Variants in CCDC149 observed in about 807,000 individuals in gnomAD.
CCDC149 encodes coiled-coil domain-containing protein 149.
Under a neutral mutation model 59.9 loss-of-function variants are expected in CCDC149, and 45 were observed. That is an observed-to-expected ratio of 0.75 (90% confidence interval 0.59 to 0.96). The LOEUF is 0.96. Among genes scored for constraint, CCDC149 ranks in the 40% least tolerant of loss-of-function variants. The pLI is 0.00. For missense variants in CCDC149, 584 were observed against 664.7 expected, an observed-to-expected ratio of 0.88 and a Z score of 1.33; for synonymous variants, 245 against 260.6, an observed-to-expected ratio of 0.94 and a Z score of 0.58.
At chr4:24,874,086 G>T (rs190571044) in intron 2 of CCDC149, among the ~76,000 whole-genome samples, 3 of 151,978 alleles carry the variant, frequency 2.0e-5, no homozygotes, top group African/African-American at 7.2e-5. Flanking sequence ...AACAGTGATG[G>T]GGACACACAT....
chr4:24,834,829 C>T (rs1418845138), intron 8 of CCDC149, 119 bp downstream of exon 8: 1 of 623,112 alleles, frequency 1.6e-6, no homozygotes. Flanking sequence ...CGGGGAGCCA[C>T]TGTTCTATGG....
chr4:24,869,276 G>A (rs1339970248), intron 3 of CCDC149, among the ~76,000 whole-genome samples: 1 of 152,176 alleles, frequency 6.6e-6, no homozygotes, highest in Admixed American at 6.5e-5. Flanking sequence ...AAGGTGTAGG[G>A]GCTCCATCCC....
chr4:24,809,647 A>G (rs1714469246), intron 12 of CCDC149, among the ~76,000 whole-genome samples: 1 of 152,226 alleles, frequency 6.6e-6, no homozygotes, highest in South Asian at 2.1e-4. Context: ...GTTTCCCCAG[A>G]AGCCAATCTC....
intron 1 of CCDC149, among the ~76,000 whole-genome samples, chr4:24,881,720 G>T (rs541690815): frequency 5.9e-4 from 90 of 152,302 alleles, no homozygotes; most frequent in African/African-American, 2.1e-3. Flanking sequence ...TGAGGACGAG[G>T]GTTCATGTGA....
intron 12 of CCDC149, among the ~76,000 whole-genome samples, chr4:24,813,516 A>G (rs1714796336): frequency 6.9e-6 from 1 of 144,040 alleles, no homozygotes; most frequent in East Asian, 2.0e-4. Context: ...ATATATATAT[A>G]TATATATATA....
chr4:24,971,826 A>T (rs184475379), intron 1 of CCDC149, among the ~76,000 whole-genome samples: 2 of 152,200 alleles, frequency 1.3e-5, no homozygotes, highest in African/African-American at 4.8e-5. Flanking sequence ...AAACATTTAC[A>T]ATCTATTATC....
chr4:24,847,495 A>G (rs1304597839), intron 4 of CCDC149, among the ~76,000 whole-genome samples: 1 of 152,162 alleles, frequency 6.6e-6, no homozygotes, highest in African/African-American at 2.4e-5. Context: ...GGGAGCTAGT[A>G]CCCTGTCTTT....
intron 1 of CCDC149, among the ~76,000 whole-genome samples, chr4:24,948,003 G>T (rs1020861902): frequency 6.6e-6 from 1 of 152,102 alleles, no homozygotes; most frequent in Non-Finnish European, 1.5e-5. Flanking sequence ...ATCAATTTGG[G>T]GGCTTGAAGG....
chr4:24,841,632 C>A (rs569077699), intron 4 of CCDC149, among the ~76,000 whole-genome samples: 15 of 152,290 alleles, frequency 9.8e-5, no homozygotes, highest in Non-Finnish European at 1.8e-4. Context: ...GATGGCAGAG[C>A]CCCAGGGAGA....
chr4:24,855,598 G>A (rs76348370), intron 3 of CCDC149, among the ~76,000 whole-genome samples: 4,894 of 140,268 alleles, frequency 0.035, 293 homozygotes, highest in African/African-American at 0.12. Context: ...GAAGAAAAAA[G>A]AAAAAAAAGA....
chr4:24,909,253 G>A (rs1721728919), intron 1 of CCDC149, among the ~76,000 whole-genome samples: 1 of 152,158 alleles, frequency 6.6e-6, no homozygotes, highest in Non-Finnish European at 1.5e-5. Context: ...TCCAGGGTGG[G>A]AGACAGCACC....
intron 11 of CCDC149, among the ~76,000 whole-genome samples, 173 bp downstream of exon 11, chr4:24,820,882 G>A (rs895231366): frequency 1.3e-5 from 2 of 152,176 alleles, no homozygotes. Flanking sequence ...CAAAGCTAAT[G>A]TCATCCTTTA....
intron 4 of CCDC149, among the ~76,000 whole-genome samples, chr4:24,850,210 T>A (rs992676588): frequency 6.6e-6 from 1 of 152,250 alleles, no homozygotes; most frequent in Non-Finnish European, 1.5e-5. Context: ...TTTCATTCAT[T>A]CATTTATTCC....
intron 1 of CCDC149, among the ~76,000 whole-genome samples, chr4:24,885,075 C>T (rs1246703952): frequency 1.3e-5 from 2 of 152,250 alleles, no homozygotes; most frequent in South Asian, 4.1e-4. Flanking sequence ...GTGAGCGACG[C>T]CCTGGGCTGG....
chr4:24,954,749 A>G (rs1459945981), intron 1 of CCDC149, among the ~76,000 whole-genome samples: 1 of 152,194 alleles, frequency 6.6e-6, no homozygotes, highest in African/African-American at 2.4e-5. Context: ...TGTGATAAGC[A>G]TGGCAGCACT....
Position 24,975,505 on chromosome 4 carries a change from G to A in CCDC149, c.-65+4564C>T, listed in dbSNP as rs142178611. Reference sequence around the variant, plus strand: ...GCGGGGAGGAGAGGGGACAGGAGAGGGAAAGGAAGGAAAAGTAGGATAGGG... The same window carrying A: ...GCGGGGAGGAGAGGGGACAGGAGAGAGAAAGGAAGGAAAAGTAGGATAGGG... On this transcript the variant is annotated intron_variant, in intron 1 of 12. Transcript: ENST00000389609. Among the ~76,000 whole-genome samples, 595 of 143,400 alleles carry A rather than the reference G, an allele frequency of 4.1e-3. 5 individuals are homozygous for A. Among genetic ancestry groups the A allele is most frequent in the African/African-American group, 0.011 (418 of 38,576 alleles). The allele number at this position is 143,400 out of a possible 152,430, so 94.1% of individuals were successfully genotyped here. A position where few individuals can be genotyped will look rare whatever the true frequency, so the allele number is the denominator to read the frequency against.
chr4:24,918,549 G>A (rs1445005096), intron 1 of CCDC149, among the ~76,000 whole-genome samples: 1 of 152,180 alleles, frequency 6.6e-6, no homozygotes, highest in Non-Finnish European at 1.5e-5. Context: ...CCTGGGCCAG[G>A]CCTTGCTCTG....
chr4:24,936,524 T>C (rs1340352190), intron 1 of CCDC149, among the ~76,000 whole-genome samples: 10 of 152,212 alleles, frequency 6.6e-5, no homozygotes, highest in African/African-American at 1.9e-4. Flanking sequence ...CGTTACCATA[T>C]CTATCACTTT....
At chr4:24,955,468 T>A (rs1723438396) in intron 1 of CCDC149, among the ~76,000 whole-genome samples, 1 of 152,122 alleles carries the variant, frequency 6.6e-6, no homozygotes, top group Admixed American at 6.6e-5. Context: ...AACCCAAGTA[T>A]CCATCAACAA....
Sources: allele counts gnomAD v4.1 joint callset (sites outside exome capture counted in the v4.1 genomes callset), GRCh38; gene constraint gnomAD v4.1.1; transcripts MANE v1.5; gene names NCBI Gene and HGNC (gene_info 2026-07-23, HGNC 2026-07-21).